CCDC17: variants seen among roughly 807,000 people sequenced by gnomAD.
CCDC17 encodes the protein coiled-coil domain-containing protein 17.
A neutral mutation model predicts 68.0 loss-of-function variants in CCDC17; 79 were observed. The observed-to-expected ratio is 1.16, with a 90% confidence interval of 0.97 to 1.40. The LOEUF (loss-of-function observed/expected upper bound fraction) is 1.40. Ranked by LOEUF, CCDC17 falls within the 40% of genes most tolerant of loss-of-function variation. CCDC17 has a pLI of 0.00. For synonymous variants in CCDC17, 376 were observed against 337.5 expected (o/e 1.11, Z -1.25); for missense variants, 846 against 811.5 (o/e 1.04, Z -0.52).
chr1:45,622,486 C>T (rs1454035288), intron 6 of CCDC17, 63 bp downstream of exon 6: 3 of 1,505,242 alleles, frequency 2.0e-6, no homozygotes, highest in South Asian at 1.2e-5. Context: ...GCCACAGGCC[C>T]TCCCTCGAGT....
chr1:45,623,637 G>GTTCTTGTGGCACGCCCTGGTA lies in CCDC17; in HGVS notation c.189_190insTACCAGGGCGTGCCACAAGAA (p.Glu63_His64insTyrGlnGlyValProGlnGlu), dbSNP rs1358607450. The GTTCTTGTGGCACGCCCTGGTA allele has an allele frequency of 5.2e-6, 8 of 1,551,408 alleles. No individual in the cohort carries two copies. In the African/African-American group the frequency reaches 8.2e-5, roughly 16 times the overall value. Reference sequence around the variant, plus strand: ...TGGGGTTCTTGTGGCACGCCCTGGTGTTCTTGTGGCACAACCTGGGGATAG... The same window carrying GTTCTTGTGGCACGCCCTGGTA: ...TGGGGTTCTTGTGGCACGCCCTGGTGTTCTTGTGGCACGCCCTGGTATTCTTGTGGCACAACCTGGGGATAG... On this transcript the variant is annotated inframe_insertion, in exon 2 of 13. Transcript: ENST00000528266.
At chr1:45,620,471 T>TA (rs1489988695) in intron 12 of CCDC17, 38 bp from the exon 13 acceptor site, 3 of 1,508,858 alleles carry the variant, frequency 2.0e-6, no homozygotes, top group Middle Eastern at 1.7e-4. Flanking sequence ...AGCAAAAATG[T>TA]AAAGGTTAAG....
rs747568235 is a variant in CCDC17 at position 45,621,660 on chromosome 1, C to G, written c.1162G>C (p.Gly388Arg). Residue 388 changes from glycine to arginine, a missense_variant, in exon 9 of 13, where the codon GGC (glycine) becomes CGC (arginine). Gly to Arg is a moderately radical substitution (Grantham distance 125). Transcript: ENST00000528266. The part of the protein sequence containing the change: ...HFLLPTSDML[G>R]PAPYDPGAGL... ...CACCCAGGATCATAGGGTGCAGGGC[C>G]CAGCATGTCCGATGTGGGCAGGAGG... is the stretch of plus-strand genomic sequence containing the variant. 2 of 1,613,856 alleles carry G rather than the reference C, an allele frequency of 1.2e-6. No individual in the cohort carries two copies. The highest frequency in any genetic ancestry group is 2.2e-5 in the South Asian group (2 of 91,034).
chr1:45,623,362 C>T lies in CCDC17; in HGVS notation c.348G>A (p.Trp116Ter), dbSNP rs774017881. 2.8e-5 allele frequency: 43 copies of T among 1,550,760 alleles called. No individual in the cohort carries two copies. Among genetic ancestry groups the T allele is most frequent in the East Asian group, 2.7e-4 (11 of 40,916 alleles). The change falls in exon 3 of 13, where the codon TGG becomes TGA. Residue 116 changes from tryptophan to a stop codon, truncating the protein, a stop_gained. Coordinates refer to ENST00000528266, the MANE Select transcript of CCDC17 (RefSeq NM_001114938.3). LOFTEE classifies it high-confidence loss of function. ...TCTGAGGCCGCGCCTCGGAACGTGT[C>T]CAGGGCCCCGCGAACACCCTGGGGA... is the stretch of plus-strand genomic sequence containing the variant. ...TEVPRVFAGP[W>*]TRSEARPQSP...
rs1644374128 is a variant in CCDC17 at position 45,623,993 on chromosome 1, CAT to C, written c.-86_-85del. 1 of 990,490 alleles carries C rather than the reference CAT, an allele frequency of 1.0e-6. No homozygotes were observed. The highest frequency in any genetic ancestry group is 1.6e-5 in the African/African-American group (1 of 60,804). 61.4% of individuals were successfully genotyped at this position (990,490 alleles called of 1,614,324 possible). ...GAAAGGCAGAGGAGGATGAAAGAGA[CAT>C]AAAGCCAGAGGCAGAGAGGAAAGGC... On this transcript the variant is annotated 5_prime_UTR_variant, in exon 1 of 13. An upstream start codon of the reference 5' UTR is lost. Coordinates refer to ENST00000528266, the MANE Select transcript of CCDC17 (RefSeq NM_001114938.3).
chr1:45,621,086 C>T lies in CCDC17; in HGVS notation c.1416G>A (p.Leu472=). 1.2e-6 allele frequency: 2 copies of T among 1,613,748 alleles called. No individual in the cohort carries two copies. Among genetic ancestry groups the T allele is most frequent in the Non-Finnish European group, 1.7e-6 (2 of 1,179,680 alleles). Residue 472 remains leucine, a synonymous_variant, in exon 11 of 13, where the codon TTG becomes TTA. Coordinates refer to ENST00000528266, the MANE Select transcript of CCDC17 (RefSeq NM_001114938.3). ...PRLPPSSSVS[L]VCELQVWQGL... ...CCTGCCAGACCTGCAGCTCACAGAC[C>T]AAAGATACTGATGATGAGGGTGGTA...
chr1:45,622,639 C>G lies in CCDC17; in HGVS notation c.769G>C (p.Gly257Arg). The G allele has an allele frequency of 1.9e-6, 3 of 1,556,244 alleles. No homozygotes were observed. Among genetic ancestry groups the G allele is most frequent in the Non-Finnish European group, 2.6e-6 (3 of 1,149,830 alleles). ...RALREAYIRDGGRDPGVLGQI... is the reference protein window; with the variant it reads ...RALREAYIRDRGRDPGVLGQI... ...CCCAGCACGCCGGGGTCCCGGCCCCCGTCTCGAATGTAGGCCTCCCGCAGC... is the reference window on the plus strand; with the variant it reads ...CCCAGCACGCCGGGGTCCCGGCCCCGGTCTCGAATGTAGGCCTCCCGCAGC... Residue 257 changes from glycine (G) to arginine (R), a missense_variant, in exon 6 of 13, where the codon GGG becomes CGG. Gly to Arg is a moderately radical substitution (Grantham distance 125, BLOSUM62 -2). Coordinates refer to ENST00000528266, the MANE Select transcript of CCDC17 (RefSeq NM_001114938.3).
rs1269537973 is a variant in CCDC17 at position 45,623,564 on chromosome 1, G to T, written c.263C>A (p.Thr88Lys). ...QASRSALKRL[T>K]EEVQWLRLSL... ...GAAGGTAGGTAGCTCTACCTCCTCT[G>T]TTAACCTCTTTAGAGCAGATCTACT... Residue 88 changes from threonine to lysine, a missense_variant, in exon 2 of 13, where the codon ACA (threonine) becomes AAA (lysine). Physicochemically the swap from Thr to Lys is moderately conservative, Grantham distance 78 (BLOSUM62 -1). Transcript: ENST00000528266. 2 of 1,549,352 alleles carry T rather than the reference G, an allele frequency of 1.3e-6. No individual in the cohort carries two copies. Among genetic ancestry groups the T allele is most frequent in the African/African-American group, 1.4e-5 (1 of 73,184 alleles).
rs1311249111 is a variant in CCDC17, at chr1:45,623,123, GGAATGCGGGCC to G, written c.494-17_494-7del. On this transcript the variant is annotated splice_region_variant and splice_polypyrimidine_tract_variant and intron_variant, in intron 3 of 12. Coordinates refer to ENST00000528266, the MANE Select transcript of CCDC17 (RefSeq NM_001114938.3). Reference sequence around the variant, plus strand: ...TTGGAGGCGTCGGCTCAGTTCTGAGGGAATGCGGGCCGAGTCAGAACCGGCCCGAGCAAGCT... The same window carrying G: ...TTGGAGGCGTCGGCTCAGTTCTGAGGGAGTCAGAACCGGCCCGAGCAAGCT... 1 of 1,552,762 alleles carries G rather than the reference GGAATGCGGGCC, an allele frequency of 6.4e-7. No homozygotes were observed. Among genetic ancestry groups the G allele is most frequent in the Non-Finnish European group, 8.7e-7 (1 of 1,147,696 alleles).
In CCDC17 at chr1:45,623,952, G is replaced by A. The variant is rs1644372736; in HGVS notation, c.-43C>T. On this transcript the variant is annotated 5_prime_UTR_variant, in exon 1 of 13. Transcript: ENST00000528266. ...CTGAAACCAGCCAAGACCTGCAGAA[G>A]GGATCAAGGGCAGGGGAAAGGCAGA... 2 of 1,358,560 alleles carry A rather than the reference G, an allele frequency of 1.5e-6. No individual in the cohort carries two copies. The highest frequency in any genetic ancestry group is 5.5e-5 in the Admixed American group (2 of 36,602). The allele number at this position is 1,358,560 out of a possible 1,614,324, so 84.2% of individuals were successfully genotyped here. A position where few individuals can be genotyped will look rare whatever the true frequency, so the allele number is the denominator to read the frequency against.
intron 11 of CCDC17, 30 bp downstream of exon 11, chr1:45,620,873 G>T (rs1644228168): frequency 6.2e-7 from 1 of 1,611,116 alleles, no homozygotes; most frequent in African/African-American, 1.3e-5. Flanking sequence ...GTACTTTGCT[G>T]TATGCCCAAT....
Position 45,621,090 on chromosome 1 carries a change from G to T in CCDC17, c.1412C>A (p.Ser471Tyr), listed in dbSNP as rs1252979603. 6.2e-7 allele frequency: 1 copy of T among 1,613,768 alleles called. No homozygotes were observed. The highest frequency in any genetic ancestry group is 1.1e-5 in the South Asian group (1 of 91,060). ...CCAGACCTGCAGCTCACAGACCAAA[G>T]ATACTGATGATGAGGGTGGTAGTCT... is the stretch of plus-strand genomic sequence containing the variant. ...VPRLPPSSSV[S>Y]LVCELQVWQG... The change falls in exon 11 of 13, where the codon TCT (serine) becomes TAT (tyrosine). Residue 471 changes from serine to tyrosine, a missense_variant. By Grantham distance (144) the Ser-to-Tyr change is moderately radical. Transcript: ENST00000528266.
chr1:45,621,035 C>T lies in CCDC17; in HGVS notation c.1467G>A (p.Gln489=), dbSNP rs2148388113. The T allele has an allele frequency of 6.2e-7, 1 of 1,613,982 alleles. No individual in the cohort carries two copies. The highest frequency in any genetic ancestry group is 1.3e-5 in the African/African-American group (1 of 75,068). Residue 489 remains glutamine (Q), a synonymous_variant, in exon 11 of 13, where the codon CAG becomes CAA. Coordinates refer to ENST00000528266, the MANE Select transcript of CCDC17 (RefSeq NM_001114938.3). ...GTCCAAGTGAGACCCAAGCCTTTGG[C>T]TGTGGTGCCCTAGCCCATGCTAGCC... ...WQGLAWARAP[Q]PKAWVSLGLF... is the part of the protein sequence containing the mutation.
At position 45,623,342 on chromosome 1, in the gene CCDC17, G is replaced by C; in HGVS notation, c.368C>G (p.Pro123Arg). 6.4e-7 allele frequency: 1 copy of C among 1,550,666 alleles called. No individual in the cohort carries two copies. The highest frequency in any genetic ancestry group is 8.7e-7 in the Non-Finnish European group (1 of 1,146,996). Residue 123 changes from proline (P) to arginine (R), a missense_variant, in exon 3 of 13, where the codon CCT becomes CGT. Coordinates refer to ENST00000528266, the MANE Select transcript of CCDC17 (RefSeq NM_001114938.3). ...AGPWTRSEAR[P>R]QSPMSEAVGS... Reference sequence around the variant, plus strand: ...CACCGCCTCGGACATGGGACTCTGAGGCCGCGCCTCGGAACGTGTCCAGGG... The same window carrying C: ...CACCGCCTCGGACATGGGACTCTGACGCCGCGCCTCGGAACGTGTCCAGGG...
Position 45,620,813 on chromosome 1 carries a change from A to G in CCDC17, c.1620T>C (p.Phe540=), listed in dbSNP as rs1408378443. The change falls in exon 12 of 13, where the codon TTT becomes TTC. Residue 540 remains phenylalanine, a synonymous_variant. Coordinates refer to ENST00000528266, the MANE Select transcript of CCDC17 (RefSeq NM_001114938.3). The part of the protein sequence containing the change: ...GIPQAGQAEL[F]LRLVNARDAA... ...CATCTCTTGCATTCACCAGCCGCAG[A>G]AAGAGCTCAGCCTGACCTGCCTGGG... 6.2e-7 allele frequency: 1 copy of G among 1,611,626 alleles called. No individual in the cohort carries two copies. The highest frequency in any genetic ancestry group is 1.7e-5 in the Admixed American group (1 of 59,508).
rs1189949890 is a variant in CCDC17 at position 45,621,322 on chromosome 1, CA to C, written c.1346del (p.Met449ArgfsTer34). On this transcript the variant is annotated frameshift_variant, in exon 10 of 13. Transcript: ENST00000528266. LOFTEE classifies it high-confidence loss of function. Reference sequence around the variant, plus strand: ...TGCTGGCAAGGATGGCACAGTTGCCCATGGGCCCGGGAGCAGGAGGTGGGGG... The same window carrying C: ...TGCTGGCAAGGATGGCACAGTTGCCCTGGGCCCGGGAGCAGGAGGTGGGGG... ...CLPPPPAPGP[M>X]GNCAILASRQ... is the part of the protein sequence containing the mutation. 1 of 1,587,764 alleles carries C rather than the reference CA, an allele frequency of 6.3e-7. No individual in the cohort carries two copies. The highest frequency in any genetic ancestry group is 8.6e-7 in the Non-Finnish European group (1 of 1,167,056).
In CCDC17 at chr1:45,623,584, T is replaced by C; in HGVS notation, c.243A>G (p.Arg81=). Reference sequence around the variant, plus strand: ...CCTCTGTTAACCTCTTTAGAGCAGATCTACTGGCCTGCTGGTCTGGGAGGC... The same window carrying C: ...CCTCTGTTAACCTCTTTAGAGCAGACCTACTGGCCTGCTGGTCTGGGAGGC... ...PQGLPDQQAS[R]SALKRLTEEV... The change falls in exon 2 of 13, where the codon AGA becomes AGG. Residue 81 remains arginine (R), a synonymous_variant. Transcript: ENST00000528266. 1 of 1,550,492 alleles carries C rather than the reference T, an allele frequency of 6.4e-7. No homozygotes were observed. The highest frequency in any genetic ancestry group is 8.7e-7 in the Non-Finnish European group (1 of 1,146,864).
chr1:45,623,137 G>A lies in CCDC17; in HGVS notation c.494-20C>T. On this transcript the variant is annotated intron_variant, in intron 3 of 12. Transcript: ENST00000528266. ...TCAGTTCTGAGGGAATGCGGGCCGAGTCAGAACCGGCCCGAGCAAGCTTAA... is the reference window on the plus strand; with the variant it reads ...TCAGTTCTGAGGGAATGCGGGCCGAATCAGAACCGGCCCGAGCAAGCTTAA... The A allele has an allele frequency of 6.5e-7, 1 of 1,542,378 alleles. No individual in the cohort carries two copies. The highest frequency in any genetic ancestry group is 8.8e-7 in the Non-Finnish European group (1 of 1,141,314).
intron 7 of CCDC17, 87 bp from the exon 8 acceptor site, chr1:45,622,082 A>C: frequency 1.4e-6 from 2 of 1,418,672 alleles, no homozygotes. Context: ...TGGGCCCACA[A>C]ATGGGTTGGC....
Sources: gnomAD v4.1 joint callset for allele counts on GRCh38, gnomAD v4.1.1 for gene constraint, MANE v1.5 for transcripts, NCBI Gene and HGNC (gene_info 2026-07-23, HGNC 2026-07-21) for gene names.